RANBP2: variants seen among roughly 807,000 people sequenced by gnomAD.
The protein encoded by RANBP2 is RAN binding protein 2, also known as E3 SUMO-protein ligase RanBP2.
A neutral mutation model predicts 303.6 loss-of-function variants in RANBP2; 57 were observed. The ratio of observed to expected loss-of-function variants is 0.19; its 90% CI spans 0.15 to 0.23. RANBP2 has a LOEUF of 0.23. Ranked by LOEUF, RANBP2 falls within the 10% of genes least tolerant of loss-of-function variation. RANBP2 has a pLI of 1.00. For missense variants in RANBP2, 3,138 were observed against 3,780.8 expected, an observed-to-expected ratio of 0.83 and a Z score of 4.46; for synonymous variants, 1,167 against 1,301.5, an observed-to-expected ratio of 0.90 and a Z score of 2.23.
chr2:109,143,189 A>G, the RANBP2 span, among the ~76,000 whole-genome samples: 13 of 152,212 alleles, frequency 8.5e-5, no homozygotes, highest in Non-Finnish European at 1.6e-4. Context: ...CAAGTGGTGC[A>G]TATAGAAAAA....
At chr2:109,615,790 A>G in the RANBP2 span, 1 of 1,614,090 alleles carries the variant, frequency 6.2e-7, no homozygotes, top group Non-Finnish European at 8.5e-7. Flanking sequence ...GCCCTAGAAG[A>G]TGGAGGGGAC....
the RANBP2 span, among the ~76,000 whole-genome samples, chr2:109,175,994 C>T: frequency 1.3e-5 from 2 of 152,210 alleles, no homozygotes; most frequent in African/African-American, 2.4e-5. Context: ...AGAAAAGATC[C>T]ACGTGGTCTA....
the RANBP2 span, chr2:109,419,623 G>A: frequency 6.3e-7 from 1 of 1,584,862 alleles, no homozygotes; most frequent in Non-Finnish European, 8.6e-7. Context: ...GCCTCCCAAG[G>A]TCCAGCTGCC....
At chr2:109,557,848 TTTC>T in the RANBP2 span, among the ~76,000 whole-genome samples, 1 of 141,494 alleles carries the variant, frequency 7.1e-6, no homozygotes, top group Non-Finnish European at 1.6e-5. Flanking sequence ...CTGTCATAAT[TTTC>T]TTTTTTTTTT....
At chr2:109,627,843 T>G in the RANBP2 span, among the ~76,000 whole-genome samples, 1 of 152,254 alleles carries the variant, frequency 6.6e-6, no homozygotes, top group Non-Finnish European at 1.5e-5. Flanking sequence ...CGGTCTATTC[T>G]CATTGCTATA....
the RANBP2 span, among the ~76,000 whole-genome samples, chr2:108,832,910 G>A: frequency 6.6e-6 from 1 of 152,184 alleles, no homozygotes; most frequent in Admixed American, 6.5e-5. Context: ...AAGTTTGAAT[G>A]TCATCCCACA....
the RANBP2 span, among the ~76,000 whole-genome samples, chr2:109,648,123 C>G: frequency 6.6e-6 from 1 of 152,172 alleles, no homozygotes; most frequent in Non-Finnish European, 1.5e-5. Flanking sequence ...GCATGAGAGG[C>G]ACAGCCCCGC....
At chr2:109,046,063 G>A in the RANBP2 span, among the ~76,000 whole-genome samples, 2 of 152,100 alleles carry the variant, frequency 1.3e-5, no homozygotes, top group Admixed American at 1.3e-4. Context: ...CCAGCACTTT[G>A]GGAGGCCGAG....
chr2:108,997,908 A>G, the RANBP2 span, among the ~76,000 whole-genome samples: 1 of 152,094 alleles, frequency 6.6e-6, no homozygotes, highest in African/African-American at 2.4e-5. Context: ...AACAACAACA[A>G]CAAACAAAAA....
chr2:108,776,035 C>T, intron 24 of RANBP2, 99 bp downstream of exon 24: 2 of 1,055,682 alleles, frequency 1.9e-6, no homozygotes, highest in Non-Finnish European at 2.8e-6. Context: ...CCCTTTAAAA[C>T]ACATTTTGAT....
At chr2:109,355,106 G>A in the RANBP2 span, among the ~76,000 whole-genome samples, 1 of 152,186 alleles carries the variant, frequency 6.6e-6, no homozygotes, top group Non-Finnish European at 1.5e-5. Flanking sequence ...TATGGTAACG[G>A]CATTTGGTGT....
the RANBP2 span, among the ~76,000 whole-genome samples, chr2:109,353,399 C>A: frequency 6.6e-6 from 1 of 152,226 alleles, no homozygotes; most frequent in Non-Finnish European, 1.5e-5. Context: ...GAGGGAGCAC[C>A]CCACACTGAG....
chr2:108,725,969 C>T (rs1694669537), intron 1 of RANBP2, among the ~76,000 whole-genome samples: 1 of 152,022 alleles, frequency 6.6e-6, no homozygotes, highest in Admixed American at 6.6e-5. Context: ...CTTTTAGATG[C>T]GATTGTAAAT....
At chr2:109,059,575 CAA>C in the RANBP2 span, among the ~76,000 whole-genome samples, 4 of 133,668 alleles carry the variant, frequency 3.0e-5, no homozygotes. Context: ...GGCTCCGTCT[CAA>C]AAAAAAAAAA....
chr2:108,896,621 C>T, the RANBP2 span: 5 of 434,228 alleles, frequency 1.2e-5, no homozygotes, highest in African/African-American at 2.0e-5. Flanking sequence ...TCTCATTGTT[C>T]AGTGAGTTAA....
chr2:109,539,381 G>A, the RANBP2 span, among the ~76,000 whole-genome samples: 1 of 149,564 alleles, frequency 6.7e-6, no homozygotes, highest in African/African-American at 2.4e-5. Context: ...TAAAGAAATG[G>A]AATGGAACAT....
chr2:109,646,654 G>C, the RANBP2 span, among the ~76,000 whole-genome samples: 2 of 143,370 alleles, frequency 1.4e-5, no homozygotes, highest in Non-Finnish European at 3.0e-5. Context: ...ACCATGACTG[G>C]CTATTTTTTT....
the RANBP2 span, among the ~76,000 whole-genome samples, chr2:109,345,315 C>T: frequency 5.9e-5 from 9 of 152,038 alleles, no homozygotes; most frequent in South Asian, 1.9e-3. Flanking sequence ...ACACAGTGTC[C>T]CCTTCTCGGG....
chr2:108,851,927 AATTGT>A, the RANBP2 span, among the ~76,000 whole-genome samples: 1 of 152,206 alleles, frequency 6.6e-6, no homozygotes, highest in Non-Finnish European at 1.5e-5. Context: ...AAAGGTAGAT[AATTGT>A]GCCAAAACGA....
Sources: gnomAD v4.1 joint callset for allele counts (sites outside exome capture counted in the v4.1 genomes callset) on GRCh38, gnomAD v4.1.1 for gene constraint, MANE v1.5 for transcripts, NCBI Gene and HGNC (gene_info 2026-07-23, HGNC 2026-07-21) for gene names.